Variants in HS6ST3 observed in about 807,000 individuals in gnomAD.
HS6ST3 encodes the protein heparan sulfate 6-O-sulfotransferase 3.
Under a neutral mutation model 36.7 loss-of-function variants are expected in HS6ST3, and 12 were observed. That is an observed-to-expected ratio of 0.33 (90% CI 0.21 to 0.53). The LOEUF is 0.53. Among genes scored for constraint, HS6ST3 ranks in the 20% least tolerant of loss-of-function variants. The pLI is 0.95. For missense variants in HS6ST3, 584 were observed against 640.9 expected (o/e 0.91, Z 0.96); for synonymous variants, 240 against 257.5 (o/e 0.93, Z 0.65).
chr13:96,246,676 C>G (rs1413559142), intron 1 of HS6ST3, among the ~76,000 whole-genome samples: 1 of 152,062 alleles, frequency 6.6e-6, no homozygotes, highest in Non-Finnish European at 1.5e-5. Context: ...GTGGAGGTAA[C>G]ATCAATCTGC....
intron 1 of HS6ST3, among the ~76,000 whole-genome samples, chr13:96,128,859 T>C (rs2053963627): frequency 6.6e-6 from 1 of 151,782 alleles, no homozygotes; most frequent in South Asian, 2.1e-4. Flanking sequence ...CTGTGCTTTT[T>C]TTTTTTGGCG....
At chr13:96,828,418 T>G (rs1878696534) in intron 1 of HS6ST3, among the ~76,000 whole-genome samples, 1 of 151,284 alleles carries the variant, frequency 6.6e-6, no homozygotes, top group South Asian at 2.1e-4. Flanking sequence ...TTGGTGTGTA[T>G]TTTTTTTTAA....
chr13:96,396,178 G>A, intron 1 of HS6ST3, among the ~76,000 whole-genome samples: 1 of 152,026 alleles, frequency 6.6e-6, no homozygotes, highest in African/African-American at 2.4e-5. Flanking sequence ...GCCGGGTGTA[G>A]TAGTGGACAC....
Position 96,668,904 on chromosome 13 carries a change from C to T in HS6ST3, c.708-163586C>T, listed in dbSNP as rs1231723565. Among the ~76,000 whole-genome samples the T allele has an allele frequency of 2.0e-5, 3 of 151,570 alleles. No individual in the cohort carries two copies. The East Asian group carries it at 5.8e-4, about 29-fold the overall frequency. ...GAGCTATAAAATATGGATACCATGT[C>T]TCAAGTATTTAAGGATAAAGCGATA... On this transcript the variant is annotated intron_variant, in intron 1 of 1. Transcript: ENST00000376705.
intron 1 of HS6ST3, among the ~76,000 whole-genome samples, chr13:96,734,675 CT>C (rs1310058546): frequency 9.2e-5 from 14 of 152,118 alleles, no homozygotes; most frequent in Non-Finnish European, 1.9e-4. Flanking sequence ...GGCATGCTTC[CT>C]CTCCATCAAT....
At chr13:96,685,227 T>A (rs1874735351) in intron 1 of HS6ST3, among the ~76,000 whole-genome samples, 1 of 152,060 alleles carries the variant, frequency 6.6e-6, no homozygotes, top group Non-Finnish European at 1.5e-5. Flanking sequence ...TGGCACTACG[T>A]GGCCCAGATA....
intron 1 of HS6ST3, among the ~76,000 whole-genome samples, chr13:96,285,967 C>T (rs1304228270): frequency 6.8e-6 from 1 of 146,860 alleles, no homozygotes; most frequent in African/African-American, 2.5e-5. Context: ...CCTGCCTGCC[C>T]TTCTCTTCCT....
chr13:96,346,232 T>TTATCTATTGGAACTAG (rs2055153608), intron 1 of HS6ST3, among the ~76,000 whole-genome samples: 1 of 152,190 alleles, frequency 6.6e-6, no homozygotes. Flanking sequence ...CTATGTTAAG[T>TTATCTATTGGAACTAG]TATCTATTGG....
chr13:96,403,641 T>C (rs2055462691), intron 1 of HS6ST3, among the ~76,000 whole-genome samples: 1 of 152,232 alleles, frequency 6.6e-6, no homozygotes, highest in Non-Finnish European at 1.5e-5. Flanking sequence ...ATTGGTTATT[T>C]GAAGCAACTA....
intron 1 of HS6ST3, among the ~76,000 whole-genome samples, chr13:96,443,495 A>G (rs1179420164): frequency 3.5e-5 from 5 of 140,852 alleles, no homozygotes; most frequent in Non-Finnish European, 6.0e-5. Context: ...ACGCCACTGC[A>G]CTCCAGCCTG....
intron 1 of HS6ST3, among the ~76,000 whole-genome samples, chr13:96,443,305 C>T (rs891429438): frequency 3.3e-5 from 5 of 151,760 alleles, no homozygotes; most frequent in Non-Finnish European, 4.4e-5. Flanking sequence ...CTGAGGCGGG[C>T]GGATCACAAG....
At chr13:96,273,350 G>C (rs1031910577) in intron 1 of HS6ST3, among the ~76,000 whole-genome samples, 1 of 151,952 alleles carries the variant, frequency 6.6e-6, no homozygotes, top group Non-Finnish European at 1.5e-5. Flanking sequence ...TCTTGACTGT[G>C]TGACTGGCAG....
At chr13:96,622,976 T>A (rs987009587) in intron 1 of HS6ST3, among the ~76,000 whole-genome samples, 7 of 152,220 alleles carry the variant, frequency 4.6e-5, no homozygotes, top group Non-Finnish European at 1.0e-4. Context: ...TCAATCTCCC[T>A]TTTTATGTCC....
chr13:96,100,077 GAGA>G (rs1317518199), intron 1 of HS6ST3, among the ~76,000 whole-genome samples: 2 of 151,860 alleles, frequency 1.3e-5, no homozygotes, highest in African/African-American at 4.8e-5. Context: ...AAAGGAGGGA[GAGA>G]AGAAGAACAA....
intron 1 of HS6ST3, among the ~76,000 whole-genome samples, chr13:96,665,467 G>T (rs143610514): frequency 6.6e-6 from 1 of 152,196 alleles, no homozygotes; most frequent in African/African-American, 2.4e-5. Context: ...ATGTCAGAAT[G>T]CTAAGAGAAC....
intron 1 of HS6ST3, among the ~76,000 whole-genome samples, chr13:96,724,945 A>T (rs1476479939): frequency 1.3e-5 from 2 of 152,196 alleles, no homozygotes; most frequent in Non-Finnish European, 2.9e-5. Flanking sequence ...AAATTGCCAA[A>T]TGGTCTTCCA....
At chr13:96,606,932 A>C (rs2056441299) in intron 1 of HS6ST3, among the ~76,000 whole-genome samples, 1 of 152,196 alleles carries the variant, frequency 6.6e-6, no homozygotes, top group Admixed American at 6.5e-5. Context: ...AAAGCAATAA[A>C]AAAGATTCAA....
intron 1 of HS6ST3, among the ~76,000 whole-genome samples, chr13:96,244,593 G>A (rs988896905): frequency 8.5e-5 from 13 of 152,112 alleles, no homozygotes; most frequent in African/African-American, 2.7e-4. Flanking sequence ...GAGTTGTCAT[G>A]CATTCCATCT....
At chr13:96,171,045 A>G (rs1221835905) in intron 1 of HS6ST3, among the ~76,000 whole-genome samples, 1 of 152,270 alleles carries the variant, frequency 6.6e-6, no homozygotes, top group East Asian at 1.9e-4. Context: ...ATCCACATAT[A>G]GATTAGTTAG....
Sources: allele counts gnomAD v4.1 joint callset (sites outside exome capture counted in the v4.1 genomes callset), GRCh38; gene constraint gnomAD v4.1.1; transcripts MANE v1.5; gene names NCBI Gene and HGNC (gene_info 2026-07-23, HGNC 2026-07-21).